The following ALKBH4 variants were observed in gnomAD, a reference collection of about 807,000 sequenced individuals.
ALKBH4 encodes the protein alkB homolog 4, lysine demethylase.
In ALKBH4, 8 loss-of-function variants were observed where a neutral mutation model predicts 12.1. The observed-to-expected ratio is 0.66, with a 90% CI of 0.39 to 1.19. The LOEUF is 1.19. Among genes scored for constraint, ALKBH4 ranks in the 50% most tolerant of loss-of-function variants. The probability of loss-of-function intolerance (pLI) is 0.01; values close to 1 mark genes in which losing one functional copy is unlikely to be tolerated. For synonymous variants in ALKBH4, 195 were observed against 191.6 expected (o/e 1.02, Z -0.15); for missense variants, 403 against 430.4 (o/e 0.94, Z 0.56).
chr7:102,464,863 G>A lies in ALKBH4; in HGVS notation c.-27C>T. The A allele has an allele frequency of 4.8e-6, 7 of 1,451,870 alleles. No homozygotes were observed. Among genetic ancestry groups the A allele is most frequent in the South Asian group, 4.1e-5 (3 of 73,006 alleles). 89.9% of individuals were successfully genotyped at this position (1,451,870 alleles called of 1,614,324 possible). A position where few individuals can be genotyped will look rare whatever the true frequency, so the allele number is the denominator to read the frequency against. ...GCGCCGTCCGCGTGGCCAGTGCGCAGGCGCGGCCGTGGGGGCCGCTGGGAG... is the reference window on the plus strand; with the variant it reads ...GCGCCGTCCGCGTGGCCAGTGCGCAAGCGCGGCCGTGGGGGCCGCTGGGAG... On this transcript the variant is annotated 5_prime_UTR_variant, in exon 1 of 3. Transcript: ENST00000292566.
At chr7:102,462,726 T>C (rs1026824161) in intron 1 of ALKBH4, among the ~76,000 whole-genome samples, 4 of 152,090 alleles carry the variant, frequency 2.6e-5, no homozygotes, top group Non-Finnish European at 4.4e-5. Flanking sequence ...GTCACCACCA[T>C]TCAGAACTTT....
In ALKBH4 at chr7:102,457,965, A is replaced by G; in HGVS notation, c.338T>C (p.Val113Ala). The change falls in exon 3 of 3, where the codon GTC (valine) becomes GCC (alanine). Residue 113 changes from valine to alanine, a missense_variant. Transcript: ENST00000292566. The surrounding 1 kb of genome is among the most constrained non-coding windows in gnomAD (Gnocchi z 5.9). ...GRRKQDYGPK[V>A]NFRKQKLKTE... ...CTTTAGCTTCTGTTTCCGAAAGTTGACTTTGGGGCCATAGTCCTGAAGGAT... is the reference window on the plus strand; with the variant it reads ...CTTTAGCTTCTGTTTCCGAAAGTTGGCTTTGGGGCCATAGTCCTGAAGGAT... The G allele has an allele frequency of 6.2e-7, 1 of 1,608,600 alleles. No individual in the cohort carries two copies. The highest frequency in any genetic ancestry group is 1.1e-5 in the South Asian group (1 of 90,868).
At chr7:102,459,383 C>T (rs888593033) in intron 2 of ALKBH4, 9 of 514,196 alleles carry the variant, frequency 1.8e-5, no homozygotes, top group East Asian at 3.2e-5. Context: ...AGCCCAGGAG[C>T]GCATATCACA....
intron 2 of ALKBH4, 133 bp downstream of exon 2, chr7:102,459,471 G>T: frequency 8.8e-7 from 1 of 1,140,944 alleles, no homozygotes; most frequent in Non-Finnish European, 1.2e-6. Context: ...ACAGCCCCAA[G>T]GTCTGGGGAA....
chr7:102,459,857 C>T (rs981959086), intron 1 of ALKBH4, 56 bp from the exon 2 acceptor site: 68 of 1,507,978 alleles, frequency 4.5e-5, no homozygotes, highest in South Asian at 7.9e-5. Context: ...CCGGTCCCTA[C>T]GAAAAGTTAA....
chr7:102,459,691 G>C lies in ALKBH4; in HGVS notation c.234C>G (p.Asp78Glu). The C allele has an allele frequency of 6.2e-7, 1 of 1,614,194 alleles. No homozygotes were observed. The highest frequency in any genetic ancestry group is 8.5e-7 in the Non-Finnish European group (1 of 1,180,038). ...CGGCTTCTTCCTCCCGGGTCACAAAGTCCTCGATCAGCATCACTCCTGGGA... is the reference window on the plus strand; with the variant it reads ...CGGCTTCTTCCTCCCGGGTCACAAACTCCTCGATCAGCATCACTCCTGGGA... ...FPFPGVMLIE[D>E]FVTREEEAEL... Residue 78 changes from aspartate (D) to glutamate (E), a missense_variant, in exon 2 of 3, where the codon GAC becomes GAG. Coordinates refer to ENST00000292566, the MANE Select transcript of ALKBH4 (RefSeq NM_017621.4).
chr7:102,457,285 A>C lies in ALKBH4; in HGVS notation c.*109T>G. The stretch of plus-strand genomic sequence containing the variant: ...GGGCAGGGCTCACACTGCTCACAGC[A>C]TCAGGGGTCAGCCATCTTCTCTTGA... On this transcript the variant is annotated 3_prime_UTR_variant, in exon 3 of 3. Transcript: ENST00000292566. This position sits in a 1 kb window ranked among gnomAD's most constrained non-coding sequence, Gnocchi z 5.9. The C allele has an allele frequency of 3.1e-6, 4 of 1,285,548 alleles. No individual in the cohort carries two copies. The highest frequency in any genetic ancestry group is 4.4e-6 in the Non-Finnish European group (4 of 918,638). 79.6% of individuals were successfully genotyped at this position (1,285,548 alleles called of 1,614,324 possible).
rs1371718494 is a variant in ALKBH4, at chr7:102,459,746, T to G, written c.179A>C (p.Glu60Ala). 1 of 1,613,374 alleles carries G rather than the reference T, an allele frequency of 6.2e-7. No individual in the cohort carries two copies. Among genetic ancestry groups the G allele is most frequent in the African/African-American group, 1.3e-5 (1 of 74,858 alleles). Residue 60 changes from glutamate to alanine, a missense_variant, in exon 2 of 3, where the codon GAG becomes GCG. Glu to Ala is a moderately radical substitution (Grantham distance 107). Transcript: ENST00000292566. ...GAAGGCCCAGCCCTCAAAGTCAGAC[T>G]CCTCTGTGCCCACGGCCCAGCCGGT... Reference protein sequence around the residue: ...SDTGWAVGTEESDFEGWAFPF... With the variant: ...SDTGWAVGTEASDFEGWAFPF...
In ALKBH4 at chr7:102,457,273, A is replaced by G; in HGVS notation, c.*121T>C. 8.4e-7 allele frequency: 1 copy of G among 1,188,364 alleles called. No homozygotes were observed. Among genetic ancestry groups the G allele is most frequent in the Non-Finnish European group, 1.2e-6 (1 of 840,538 alleles). The allele number at this position is 1,188,364 out of a possible 1,614,324, so 73.6% of individuals were successfully genotyped here. A position where few individuals can be genotyped will look rare whatever the true frequency, so the allele number is the denominator to read the frequency against. On this transcript the variant is annotated 3_prime_UTR_variant, in exon 3 of 3. Coordinates refer to ENST00000292566, the MANE Select transcript of ALKBH4 (RefSeq NM_017621.4). The surrounding 1 kb of genome is among the most constrained non-coding windows in gnomAD (Gnocchi z 5.9). ...AAACCTGCTCCTGGGCAGGGCTCAC[A>G]CTGCTCACAGCATCAGGGGTCAGCC... is the stretch of plus-strand genomic sequence containing the variant.
chr7:102,460,756 T>C (rs78046723), intron 1 of ALKBH4, among the ~76,000 whole-genome samples: 10,020 of 152,234 alleles, frequency 0.066, 371 homozygotes, highest in Non-Finnish European at 0.074. Flanking sequence ...AGGTCTTTGC[T>C]GATGCCACCC....
At position 102,459,636 on chromosome 7, in the gene ALKBH4, A is replaced by C; in HGVS notation, c.289T>G (p.Trp97Gly). The C allele has an allele frequency of 6.2e-7, 1 of 1,614,100 alleles. No homozygotes were observed. Among genetic ancestry groups the C allele is most frequent in the East Asian group, 2.2e-5 (1 of 44,886 alleles). The change falls in exon 2 of 3, where the codon TGG becomes GGG. Residue 97 changes from tryptophan (W) to glycine (G), a missense_variant. Physicochemically the swap from Trp to Gly is radical, Grantham distance 184. Transcript: ENST00000292566. ...CTCCGTCCAGACTGGGAGAGCTTCC[A>C]GGGGTCACGGTCCATGAGCCGCACC... is the stretch of plus-strand genomic sequence containing the variant. ...ELVRLMDRDP[W>G]KLSQSGRRKQ...
Position 102,459,695 on chromosome 7 carries a change from T to C in ALKBH4, c.230A>G (p.Glu77Gly), listed in dbSNP as rs374986505. 5.6e-6 allele frequency: 9 copies of C among 1,614,036 alleles called. No homozygotes were observed. Among genetic ancestry groups the C allele is most frequent in the African/African-American group, 2.7e-5 (2 of 74,918 alleles). The change falls in exon 2 of 3, where the codon GAG becomes GGG. Residue 77 changes from glutamate (E) to glycine (G), a missense_variant. Coordinates refer to ENST00000292566, the MANE Select transcript of ALKBH4 (RefSeq NM_017621.4). ...AFPFPGVMLI[E>G]DFVTREEEAE... The stretch of plus-strand genomic sequence containing the variant: ...TTCTTCCTCCCGGGTCACAAAGTCC[T>C]CGATCAGCATCACTCCTGGGAAGGG...
intron 1 of ALKBH4, among the ~76,000 whole-genome samples, chr7:102,464,343 T>C (rs1306753270): frequency 2.0e-5 from 3 of 152,148 alleles, no homozygotes; most frequent in Admixed American, 1.3e-4. Flanking sequence ...CACTGTCTCC[T>C]TGCCCATTGC....
chr7:102,462,317 A>G (rs1797816621), intron 1 of ALKBH4, among the ~76,000 whole-genome samples: 1 of 152,144 alleles, frequency 6.6e-6, no homozygotes, highest in Admixed American at 6.5e-5. Flanking sequence ...GGTTGGGAAG[A>G]TGTCACCTCC....
intron 2 of ALKBH4, among the ~76,000 whole-genome samples, chr7:102,458,678 C>T (rs6951407): frequency 0.06 from 8,829 of 146,684 alleles, 351 homozygotes; most frequent in Non-Finnish European, 0.084. Context: ...GTCAAGGCTG[C>T]GGTGAGCCAA....
Position 102,457,872 on chromosome 7 carries a change from C to T in ALKBH4, c.431G>A (p.Gly144Glu). ...EVVRRMGLYP[G>E]LEGFRPVEQC... ...CTCGACGGGCCGGAAGCCCTCCAGC[C>T]CCGGGTAGAGGCCCATCCTCCGCAC... is the stretch of plus-strand genomic sequence containing the variant. Residue 144 changes from glycine to glutamate, a missense_variant, in exon 3 of 3, where the codon GGG becomes GAG. By Grantham distance (98) the Gly-to-Glu change is moderately conservative. Coordinates refer to ENST00000292566, the MANE Select transcript of ALKBH4 (RefSeq NM_017621.4). This position sits in a 1 kb window ranked among gnomAD's most constrained non-coding sequence, Gnocchi z 5.9. 2 of 1,612,602 alleles carry T rather than the reference C, an allele frequency of 1.2e-6. No homozygotes were observed. The highest frequency in any genetic ancestry group is 1.7e-6 in the Non-Finnish European group (2 of 1,180,012).
chr7:102,463,407 G>A (rs772972709), intron 1 of ALKBH4, among the ~76,000 whole-genome samples: 16 of 127,526 alleles, frequency 1.3e-4, no homozygotes, highest in Admixed American at 6.2e-4. Flanking sequence ...TTGGCTCACT[G>A]CAACCTCTGC....
chr7:102,464,014 C>G (rs939741504), intron 1 of ALKBH4, among the ~76,000 whole-genome samples: 4 of 151,754 alleles, frequency 2.6e-5, no homozygotes, highest in South Asian at 2.1e-4. Flanking sequence ...AGCTGATGCA[C>G]CGGGGAGCAT....
chr7:102,464,406 C>T (rs1271546887), intron 1 of ALKBH4, among the ~76,000 whole-genome samples: 6 of 152,262 alleles, frequency 3.9e-5, no homozygotes, highest in Admixed American at 3.3e-4. Flanking sequence ...CTCGATCGAC[C>T]CTTTCCGTGT....
Sources: gnomAD v4.1 joint callset for allele counts (sites outside exome capture counted in the v4.1 genomes callset) on GRCh38, gnomAD v4.1.1 for gene constraint, Gnocchi (gnomAD v3.1) non-coding constraint, MANE v1.5 for transcripts, NCBI Gene and HGNC (gene_info 2026-07-23, HGNC 2026-07-21) for gene names.